NDUFAF7: variants seen among roughly 807,000 people sequenced by gnomAD.
NDUFAF7 encodes NADH:ubiquinone oxidoreductase complex assembly factor 7.
A neutral mutation model predicts 47.2 loss-of-function variants in NDUFAF7; 48 were observed. The observed-to-expected ratio is 1.02, with a 90% CI of 0.81 to 1.29. The LOEUF is 1.29. Ranked by LOEUF, NDUFAF7 falls within the 50% of genes most tolerant of loss-of-function variation. The pLI is 0.00. For missense variants in NDUFAF7, 635 were observed against 537.6 expected (o/e 1.18, Z -1.79); for synonymous variants, 217 against 190.0 (o/e 1.14, Z -1.17).
chr2:37,251,109 G>T (rs537705911), downstream of NDUFAF7: 1 of 152,678 alleles, frequency 6.5e-6, no homozygotes, highest in East Asian at 1.9e-4. Context: ...TAGTGACTCA[G>T]AATTATTCCA....
At chr2:37,244,260 A>G (rs1289559342) in intron 7 of NDUFAF7, among the ~76,000 whole-genome samples, 1 of 152,224 alleles carries the variant, frequency 6.6e-6, no homozygotes, top group Non-Finnish European at 1.5e-5. Context: ...TTCATGTCAA[A>G]TGGTAATGGT....
Position 37,243,971 on chromosome 2 carries a change from C to A in NDUFAF7, c.790C>A (p.Gln264Lys), listed in dbSNP as rs139125264. Residue 264 changes from glutamine (Q) to lysine (K), a missense_variant and splice_region_variant, in exon 7 of 10, where the codon CAA becomes AAA. Coordinates refer to ENST00000002125, the MANE Select transcript of NDUFAF7 (RefSeq NM_144736.5). ...PSATPAEAFI[Q>K]HDETRDHVEV... is the part of the protein sequence containing the mutation. ...TGCCACCCCAGCAGAAGCCTTCATA[C>A]AAGTAAGAATATGCTTTTTTAAGTT... 8.9e-3 allele frequency: 14,245 copies of A among 1,604,466 alleles called. 1,669 individuals carry two copies. In the Admixed American group the frequency reaches 0.22, roughly 24 times the overall value.
chr2:37,248,024 TC>T (rs1667109064), intron 9 of NDUFAF7, 110 bp from the exon 10 acceptor site: 1 of 879,800 alleles, frequency 1.1e-6, no homozygotes, highest in African/African-American at 1.7e-5. Context: ...TAATCAGAAG[TC>T]ACATTTTGAG....
At chr2:37,235,753 C>G (rs1161131393) in intron 2 of NDUFAF7, among the ~76,000 whole-genome samples, 1 of 152,074 alleles carries the variant, frequency 6.6e-6, no homozygotes, top group Non-Finnish European at 1.5e-5. Context: ...CTCCGAGGTT[C>G]ACGCCATTTT....
At chr2:37,253,282 T>C (rs1667659119), downstream of NDUFAF7, 1 of 1,613,082 alleles carries the variant, frequency 6.2e-7, no homozygotes, top group African/African-American at 1.3e-5. Flanking sequence ...CATCATCACT[T>C]TCATGTGTAA....
At chr2:37,237,931 A>C in intron 4 of NDUFAF7, 64 bp downstream of exon 4, 1 of 1,129,448 alleles carries the variant, frequency 8.9e-7, no homozygotes, top group Non-Finnish European at 1.3e-6. Flanking sequence ...TGAGTGTGCA[A>C]ACCATGTTGA....
chr2:37,238,892 AC>A (rs1255195350), intron 4 of NDUFAF7, among the ~76,000 whole-genome samples: 3 of 145,010 alleles, frequency 2.1e-5, no homozygotes, highest in Non-Finnish European at 4.5e-5. Context: ...GAAAATACAA[AC>A]GGCTAAAAAA....
intron 3 of NDUFAF7, among the ~76,000 whole-genome samples, chr2:37,236,964 T>A (rs1238656925): frequency 6.6e-6 from 1 of 151,930 alleles, no homozygotes; most frequent in Non-Finnish European, 1.5e-5. Flanking sequence ...ACAGTAAAAG[T>A]CTTCTTTTAT....
downstream of NDUFAF7, chr2:37,253,194 T>C (rs776384643): frequency 5.0e-6 from 8 of 1,603,276 alleles, no homozygotes; most frequent in African/African-American, 1.1e-4. Context: ...TCTTCTTCCA[T>C]ATCATCTGGA....
chr2:37,251,245 T>C (rs1667465147), downstream of NDUFAF7: 1 of 152,548 alleles, frequency 6.6e-6, no homozygotes, highest in African/African-American at 2.4e-5. Flanking sequence ...TTGAAGCTTC[T>C]ATAGAAGGAC....
chr2:37,255,288 T>C (rs769106750), downstream of NDUFAF7, among the ~76,000 whole-genome samples: 7 of 144,022 alleles, frequency 4.9e-5, no homozygotes, highest in Non-Finnish European at 9.1e-5. Context: ...GTTAATCCTA[T>C]GATTAGGCCT....
chr2:37,268,446 C>T, the NDUFAF7 span: 1 of 445,126 alleles, frequency 2.2e-6, no homozygotes, highest in East Asian at 7.1e-5. Flanking sequence ...CTTTATGTCA[C>T]AATACTAGGT....
At chr2:37,251,639 A>G (rs1415021964), downstream of NDUFAF7, 1 of 152,022 alleles carries the variant, frequency 6.6e-6, no homozygotes, top group East Asian at 1.9e-4. Context: ...GCTACCTCAA[A>G]TTCGGTGGGC....
At chr2:37,252,862 T>TAA (rs1553363039), downstream of NDUFAF7, 3 of 148,824 alleles carry the variant, frequency 2.0e-5, no homozygotes, top group African/African-American at 4.9e-5. Flanking sequence ...TATATATATA[T>TAA]AAAGAGAAAT....
chr2:37,266,343 G>C, the NDUFAF7 span, among the ~76,000 whole-genome samples: 1 of 152,166 alleles, frequency 6.6e-6, no homozygotes, highest in Non-Finnish European at 1.5e-5. Flanking sequence ...TGTTGTTGTT[G>C]AGACGGAGTT....
At chr2:37,260,230 AC>A in the NDUFAF7 span, 1 of 1,608,180 alleles carries the variant, frequency 6.2e-7, no homozygotes, top group Non-Finnish European at 8.5e-7. Flanking sequence ...TACCTGTGTG[AC>A]CATGAATTTA....
the NDUFAF7 span, chr2:37,259,647 T>G: frequency 6.2e-7 from 1 of 1,613,234 alleles, no homozygotes; most frequent in African/African-American, 1.3e-5. Flanking sequence ...GTGCACAATA[T>G]TCTTAAAATG....
chr2:37,265,265 G>C, the NDUFAF7 span, among the ~76,000 whole-genome samples: 18 of 152,138 alleles, frequency 1.2e-4, no homozygotes, highest in Admixed American at 1.2e-3. Flanking sequence ...TAACAGTGTA[G>C]TAGGTTACTT....
chr2:37,252,994 C>G, downstream of NDUFAF7: 1 of 488,040 alleles, frequency 2.0e-6, no homozygotes, highest in Non-Finnish European at 3.3e-6. Context: ...ATTATGACTT[C>G]TTATTATTCA....
Sources: gnomAD v4.1 joint callset for allele counts (sites outside exome capture counted in the v4.1 genomes callset) on GRCh38, gnomAD v4.1.1 for gene constraint, MANE v1.5 for transcripts, NCBI Gene and HGNC (gene_info 2026-07-23, HGNC 2026-07-21) for gene names.